Variants in DIS3L2 observed in about 807,000 individuals in gnomAD.
DIS3L2 encodes DIS3 like 3'-5' exoribonuclease 2.
Under a neutral mutation model 97.5 loss-of-function variants are expected in DIS3L2, and 34 were observed. The ratio of observed to expected loss-of-function variants is 0.35; its 90% CI spans 0.27 to 0.46. The LOEUF (loss-of-function observed/expected upper bound fraction) is 0.46. Among genes scored for constraint, DIS3L2 ranks in the 20% least tolerant of loss-of-function variants. The pLI is 1.00. For synonymous variants in DIS3L2, 435 were observed against 445.2 expected (o/e 0.98, Z 0.29); for missense variants, 1,038 against 1,146.0 (o/e 0.91, Z 1.36).
intron 13 of DIS3L2, among the ~76,000 whole-genome samples, chr2:232,287,066 G>A (rs1000376416): frequency 2.6e-5 from 4 of 152,134 alleles, no homozygotes; most frequent in Admixed American, 6.6e-5. Context: ...CAGGCAGAAA[G>A]GTAGACTAGA....
chr2:232,302,500 T>C (rs947733443), intron 14 of DIS3L2, among the ~76,000 whole-genome samples: 2 of 152,004 alleles, frequency 1.3e-5, no homozygotes, highest in Non-Finnish European at 2.9e-5. Flanking sequence ...TTCTCAATCT[T>C]TAGACAACTT....
In DIS3L2 at chr2:232,057,867, C is replaced by A. The variant is rs566001908; in HGVS notation, c.366+27787C>A. Among the ~76,000 whole-genome samples, 4 of 152,218 alleles carry A rather than the reference C, an allele frequency of 2.6e-5. No homozygotes were observed. In the East Asian group the frequency reaches 7.7e-4, roughly 29 times the overall value. ...CATCTTGGTTAGTGTTGTATGTGGG[C>A]ATTGTTTATTTTGTAAAAATTCATC... On this transcript the variant is annotated intron_variant, in intron 5 of 20. Coordinates refer to ENST00000325385, the MANE Select transcript of DIS3L2 (RefSeq NM_152383.5).
rs879405561 is a variant in DIS3L2 at position 232,110,890 on chromosome 2, T to TAAA, written c.602-19719_602-19717dup. 1.7e-3 allele frequency among the ~76,000 whole-genome samples: 247 copies of TAAA among 142,594 alleles called. 1 individual carries two copies. The highest frequency in any genetic ancestry group is 6.2e-3 in the African/African-American group (242 of 38,916). The allele number at this position is 142,594 out of a possible 152,430, so 93.5% of individuals were successfully genotyped here. A position where few individuals can be genotyped will look rare whatever the true frequency, so the allele number is the denominator to read the frequency against. On this transcript the variant is annotated intron_variant, in intron 6 of 20. Coordinates refer to ENST00000325385, the MANE Select transcript of DIS3L2 (RefSeq NM_152383.5). ...ACCCTTGAACTTAAAAGTTGGAAAT[T>TAAA]AAAAAAAAAAAAGAAAATGGTAAAT...
chr2:232,249,537 CT>C (rs1486462719), intron 12 of DIS3L2, among the ~76,000 whole-genome samples, 191 bp downstream of exon 12: 1 of 152,204 alleles, frequency 6.6e-6, no homozygotes, highest in African/African-American at 2.4e-5. Flanking sequence ...GAAGCCAAGA[CT>C]GACCTTAAGC....
downstream of DIS3L2, chr2:232,339,583 G>T: frequency 2.6e-6 from 1 of 390,992 alleles, no homozygotes; most frequent in Non-Finnish European, 5.3e-6. Context: ...CGAAGTGACA[G>T]GTTGGGCTCC....
intron 19 of DIS3L2, chr2:232,335,195 C>A (rs1361746858): frequency 1.1e-5 from 2 of 181,784 alleles, no homozygotes; most frequent in Non-Finnish European, 2.3e-5. Context: ...GCCTTAGGGG[C>A]TTGGCTCCAG....
chr2:232,238,439 C>T (rs753467849), intron 10 of DIS3L2, 94 bp from the exon 11 acceptor site: 13 of 1,029,402 alleles, frequency 1.3e-5, no homozygotes, highest in Non-Finnish European at 1.3e-5. Flanking sequence ...GTCCTGTGGC[C>T]TCTGGGAGTG....
chr2:232,185,845 G>A (rs1207077798), intron 9 of DIS3L2, among the ~76,000 whole-genome samples: 8 of 54,200 alleles, frequency 1.5e-4, no homozygotes, highest in East Asian at 6.3e-4. Flanking sequence ...GTGAGACTTC[G>A]TCTCAAAAAA....
intron 9 of DIS3L2, among the ~76,000 whole-genome samples, chr2:232,168,076 C>G (rs1025933962): frequency 6.6e-6 from 1 of 151,902 alleles, no homozygotes; most frequent in Non-Finnish European, 1.5e-5. Context: ...AAAAATAATT[C>G]TATTAGGAAG....
At chr2:232,056,614 A>G (rs769972343) in intron 5 of DIS3L2, among the ~76,000 whole-genome samples, 2 of 152,196 alleles carry the variant, frequency 1.3e-5, no homozygotes, top group Non-Finnish European at 2.9e-5. Flanking sequence ...GAAAAATGGG[A>G]GAATGACTGA....
intron 9 of DIS3L2, among the ~76,000 whole-genome samples, chr2:232,176,911 C>T (rs1408363131): frequency 7.4e-5 from 11 of 147,694 alleles, no homozygotes; most frequent in East Asian, 2.0e-4. Flanking sequence ...CCCACTAACT[C>T]GTCATCTAGC....
chr2:231,996,062 G>A (rs575562929), intron 1 of DIS3L2, among the ~76,000 whole-genome samples: 104 of 152,318 alleles, frequency 6.8e-4, no homozygotes, highest in African/African-American at 2.4e-3. Context: ...GGTTCAAGAA[G>A]GAAGGGAATG....
Position 232,237,859 on chromosome 2 carries a change from C to T in DIS3L2, c.1205-674C>T, listed in dbSNP as rs73102564. On this transcript the variant is annotated intron_variant, in intron 10 of 20. Coordinates refer to ENST00000325385, the MANE Select transcript of DIS3L2 (RefSeq NM_152383.5). ...TCCCAAGCATAGGAAAAAGTATGAG[C>T]CAAGCCAACATCTAAATGGCTTGAG... 1.4e-3 allele frequency among the ~76,000 whole-genome samples: 212 copies of T among 152,172 alleles called. 1 individual carries two copies. The highest frequency in any genetic ancestry group is 4.9e-3 in the African/African-American group (203 of 41,512).
chr2:232,296,537 G>A (rs1346552950), intron 13 of DIS3L2, among the ~76,000 whole-genome samples: 1 of 152,162 alleles, frequency 6.6e-6, no homozygotes, highest in African/African-American at 2.4e-5. Context: ...ATTGAATTAT[G>A]GGGGTGGGCT....
chr2:232,231,706 G>T (rs1365852101), intron 10 of DIS3L2, among the ~76,000 whole-genome samples: 5 of 152,344 alleles, frequency 3.3e-5, no homozygotes, highest in African/African-American at 1.2e-4. Flanking sequence ...GGGCAGTTAG[G>T]CAGGGTTTAC....
At chr2:232,028,609 G>C (rs559564860) in intron 4 of DIS3L2, among the ~76,000 whole-genome samples, 107 of 152,264 alleles carry the variant, frequency 7.0e-4, no homozygotes, top group Admixed American at 1.0e-3. Flanking sequence ...GCATATGTTT[G>C]ACACGTGAGT....
chr2:232,248,678 A>G (rs752424970), intron 11 of DIS3L2, among the ~76,000 whole-genome samples: 10 of 152,222 alleles, frequency 6.6e-5, no homozygotes, highest in Non-Finnish European at 8.8e-5. Flanking sequence ...GTTGATCACA[A>G]TGTTTATCTA....
intron 1 of DIS3L2, among the ~76,000 whole-genome samples, chr2:231,997,191 T>C (rs1693753558): frequency 6.6e-6 from 1 of 152,260 alleles, no homozygotes; most frequent in Non-Finnish European, 1.5e-5. Context: ...CAAAATTTGC[T>C]TAATATTTTA....
At position 232,343,413 on chromosome 2, in the gene DIS3L2, A is replaced by AGGG. The variant is rs141560952; in HGVS notation, c.1651_1652insGGG (p.Glu550_Ala551insGly). The AGGG allele has an allele frequency of 2.5e-3, 3,857 of 1,556,686 alleles. 15 individuals carry two copies. Among genetic ancestry groups the AGGG allele is most frequent in the Non-Finnish European group, 2.9e-3 (3,302 of 1,150,346 alleles). On this transcript the variant is annotated inframe_insertion, in exon 14 of 14. Coordinates refer to the DIS3L2 transcript ENST00000273009. ...ACAGCCCCTCTGCTGAAGATGCAGA[A>AGGG]GCACAGCCCTCCACAGAGGAACGCC...
Sources: gnomAD v4.1 joint callset for allele counts (sites outside exome capture counted in the v4.1 genomes callset) on GRCh38, gnomAD v4.1.1 for gene constraint, MANE v1.5 for transcripts, NCBI Gene and HGNC (gene_info 2026-07-23, HGNC 2026-07-21) for gene names.